The following TUSC3 variants were observed in gnomAD, a reference collection of about 807,000 sequenced individuals.
TUSC3 encodes tumor suppressor candidate 3.
TUSC3 carries 45 observed loss-of-function variants against 44.8 expected under a neutral mutation model. The ratio of observed to expected loss-of-function variants is 1.00; its 90% confidence interval spans 0.79 to 1.29. The LOEUF (loss-of-function observed/expected upper bound fraction) is 1.29. Among genes scored for constraint, TUSC3 ranks in the 50% most tolerant of loss-of-function variants. TUSC3 has a pLI of 0.00. For synonymous variants in TUSC3, 212 were observed against 152.9 expected, an observed-to-expected ratio of 1.39 and a Z score of -2.85; for missense variants, 519 against 437.9, an observed-to-expected ratio of 1.19 and a Z score of -1.65.
chr8:15,745,567 T>G (rs1438317103), intron 8 of TUSC3, among the ~76,000 whole-genome samples: 1 of 152,120 alleles, frequency 6.6e-6, no homozygotes, highest in Non-Finnish European at 1.5e-5. Context: ...ATAATGAACA[T>G]TTTTTCATAT....
At chr8:15,634,936 C>G (rs1805996508) in intron 2 of TUSC3, among the ~76,000 whole-genome samples, 1 of 152,186 alleles carries the variant, frequency 6.6e-6, no homozygotes, top group African/African-American at 2.4e-5. Context: ...TAGGCCACTG[C>G]AGGAGGGCTT....
chr8:15,532,252 A>C (rs935942744), intron 2 of TUSC3, among the ~76,000 whole-genome samples: 5 of 152,214 alleles, frequency 3.3e-5, no homozygotes, highest in African/African-American at 1.2e-4. Context: ...ACAGATCAAA[A>C]AATTCATTTT....
chr8:15,584,865 A>C (rs138210533), intron 1 of TUSC3, among the ~76,000 whole-genome samples: 1 of 152,160 alleles, frequency 6.6e-6, no homozygotes, highest in Non-Finnish European at 1.5e-5. Context: ...GTCTGGAAAG[A>C]TATAATTGGA....
intron 2 of TUSC3, among the ~76,000 whole-genome samples, chr8:15,509,332 G>A (rs906142856): frequency 6.6e-6 from 1 of 152,184 alleles, no homozygotes; most frequent in Non-Finnish European, 1.5e-5. Context: ...ATAAAGGCCA[G>A]ACGTGATGGC....
intron 1 of TUSC3, among the ~76,000 whole-genome samples, chr8:15,435,185 T>G (rs1799930282): frequency 6.6e-6 from 1 of 151,220 alleles, no homozygotes; most frequent in South Asian, 2.1e-4. Context: ...CTCCACATCC[T>G]CTCCAGCACC....
At chr8:15,445,749 G>T (rs143325863) in intron 1 of TUSC3, among the ~76,000 whole-genome samples, 2 of 152,208 alleles carry the variant, frequency 1.3e-5, no homozygotes, top group Non-Finnish European at 2.9e-5. Context: ...TCTGATCTCT[G>T]TTTCTTTTTA....
upstream of TUSC3, among the ~76,000 whole-genome samples, chr8:15,537,137 GCTCT>G (rs141942463): frequency 0.25 from 30,401 of 123,050 alleles, 3,028 homozygotes; most frequent in Middle Eastern, 0.3. Flanking sequence ...GTTACAACCT[GCTCT>G]CTCTCTCTCT....
chr8:15,819,361 A>G, the TUSC3 span, among the ~76,000 whole-genome samples: 1 of 143,846 alleles, frequency 7.0e-6, no homozygotes, highest in Non-Finnish European at 1.5e-5. Flanking sequence ...AACTCTGCCT[A>G]CTCTTCCAAT....
At chr8:15,774,855 A>G in the TUSC3 span, among the ~76,000 whole-genome samples, 1 of 152,160 alleles carries the variant, frequency 6.6e-6, no homozygotes, top group Admixed American at 6.5e-5. Flanking sequence ...TGTGAAGAAA[A>G]TGAAGCTCTC....
chr8:15,785,294 CT>C, the TUSC3 span, among the ~76,000 whole-genome samples: 1 of 151,850 alleles, frequency 6.6e-6, no homozygotes, highest in East Asian at 1.9e-4. Context: ...ATCTTCTTCA[CT>C]TTTGTAACTC....
At chr8:15,485,649 G>A (rs973831621) in intron 2 of TUSC3, among the ~76,000 whole-genome samples, 3 of 152,042 alleles carry the variant, frequency 2.0e-5, no homozygotes, top group East Asian at 1.9e-4. Flanking sequence ...AAAACCACAT[G>A]CGTCAGTGCA....
At chr8:15,571,271 A>G (rs1802867860) in intron 1 of TUSC3, among the ~76,000 whole-genome samples, 1 of 151,954 alleles carries the variant, frequency 6.6e-6, no homozygotes, top group East Asian at 1.9e-4. Context: ...ATTTTTTTTA[A>G]TGAAATTGTT....
At chr8:15,452,043 C>T (rs1054003321) in intron 1 of TUSC3, among the ~76,000 whole-genome samples, 3 of 152,132 alleles carry the variant, frequency 2.0e-5, no homozygotes, top group African/African-American at 7.2e-5. Flanking sequence ...TGAAACCACT[C>T]AGCACCATCC....
rs567262147 is a variant in TUSC3 at position 15,716,741 on chromosome 8, A to T, written c.799-13925A>T. 5.3e-5 allele frequency among the ~76,000 whole-genome samples: 8 copies of T among 152,302 alleles called. No individual in the cohort carries two copies. The South Asian group carries it at 1.7e-3, about 32-fold the overall frequency. ...AAGAAAATCATTTTTTAATGAGCTC[A>T]GTGTAAATACGAAATGAGTAACTGG... is the stretch of plus-strand genomic sequence containing the variant. On this transcript the variant is annotated intron_variant, in intron 6 of 10. Coordinates refer to ENST00000503731, the MANE Select transcript of TUSC3 (RefSeq NM_006765.4).
At chr8:15,806,237 G>C in the TUSC3 span, 13 of 556,602 alleles carry the variant, frequency 2.3e-5, no homozygotes, top group Non-Finnish European at 4.1e-5. Flanking sequence ...CATTTTGCTT[G>C]TTTGCCAATT....
intron 1 of TUSC3, among the ~76,000 whole-genome samples, chr8:15,554,574 A>C (rs1802170533): frequency 6.8e-6 from 1 of 148,010 alleles, no homozygotes; most frequent in Non-Finnish European, 1.5e-5. Context: ...TGTTTCAAGG[A>C]CTGTTGACTT....
At chr8:15,481,252 A>C (rs1312198332) in intron 1 of TUSC3, among the ~76,000 whole-genome samples, 2 of 151,450 alleles carry the variant, frequency 1.3e-5, no homozygotes, top group Non-Finnish European at 2.9e-5. Flanking sequence ...CATCTCAAAA[A>C]AAAAAAAAAA....
the TUSC3 span, among the ~76,000 whole-genome samples, chr8:15,777,922 G>T: frequency 1.3e-5 from 2 of 152,062 alleles, no homozygotes; most frequent in Non-Finnish European, 2.9e-5. Context: ...GTTGTAGATG[G>T]ACCAGATTTG....
intron 1 of TUSC3, among the ~76,000 whole-genome samples, chr8:15,574,018 T>C (rs769265202): frequency 3.9e-5 from 6 of 152,144 alleles, no homozygotes; most frequent in South Asian, 2.1e-4. Flanking sequence ...TTTTTGGTGA[T>C]GTTTTGTTCC....
Sources: gnomAD v4.1 joint callset for allele counts (sites outside exome capture counted in the v4.1 genomes callset) on GRCh38, gnomAD v4.1.1 for gene constraint, MANE v1.5 for transcripts, NCBI Gene and HGNC (gene_info 2026-07-23, HGNC 2026-07-21) for gene names.